Variants in TOR1AIP1 observed in about 807,000 individuals in gnomAD.
TOR1AIP1 encodes the protein torsin 1A interacting protein 1.
TOR1AIP1 carries 54 observed loss-of-function variants against 63.3 expected under a neutral mutation model. The observed-to-expected ratio is 0.85, with a 90% CI of 0.69 to 1.07. The LOEUF is 1.07. Ranked by LOEUF, TOR1AIP1 falls within the 50% of genes least tolerant of loss-of-function variation. The probability of loss-of-function intolerance (pLI) is 0.00; values close to 1 mark genes in which losing one functional copy is unlikely to be tolerated. For missense variants in TOR1AIP1, 736 were observed against 715.0 expected, an observed-to-expected ratio of 1.03 and a Z score of -0.33; for synonymous variants, 294 against 273.5, an observed-to-expected ratio of 1.07 and a Z score of -0.74.
intron 8 of TOR1AIP1, among the ~76,000 whole-genome samples, chr1:179,910,832 GAA>G (rs1648810548): frequency 1.3e-5 from 2 of 152,272 alleles, no homozygotes; most frequent in African/African-American, 4.8e-5. Context: ...CCAGATAAGT[GAA>G]GTTAGTACAT....
chr1:179,883,465 T>G (rs1347690835), intron 1 of TOR1AIP1: 1 of 373,434 alleles, frequency 2.7e-6, no homozygotes, highest in Non-Finnish European at 5.4e-6. Flanking sequence ...GAAGGAGAAA[T>G]TTTGTGAGTG....
chr1:179,893,106 G>T (rs902364499), intron 3 of TOR1AIP1, among the ~76,000 whole-genome samples: 1 of 151,988 alleles, frequency 6.6e-6, no homozygotes, highest in Non-Finnish European at 1.5e-5. Context: ...GTCGGGCATG[G>T]TGGTGGGCAC....
In TOR1AIP1 at chr1:179,900,134, A is replaced by G. The variant is rs759786680; in HGVS notation, c.619A>G (p.Ser207Gly). The G allele has an allele frequency of 2.2e-5, 35 of 1,605,600 alleles. No homozygotes were observed. In the South Asian group the frequency reaches 3.6e-4, roughly 17 times the overall value. ...PLRYPRYEAT[S>G]VQQKVNFSEE... is the part of the protein sequence containing the mutation. Reference sequence around the variant, plus strand: ...ATGCTTTTTTCTTCTAGAAGCCACCAGTGTCCAACAGAAGGTCAATTTCTC... The same window carrying G: ...ATGCTTTTTTCTTCTAGAAGCCACCGGTGTCCAACAGAAGGTCAATTTCTC... Residue 207 changes from serine (S) to glycine (G), a missense_variant, in exon 4 of 10, where the codon AGT (serine) becomes GGT (glycine). By Grantham distance (56) the Ser-to-Gly change is moderately conservative (BLOSUM62 0). Around this residue, in one of 2 missense-constraint regions of TOR1AIP1, gnomAD observed 464 missense variants for 371.0 expected, o/e 1.25. Coordinates refer to ENST00000606911, the MANE Select transcript of TOR1AIP1 (RefSeq NM_015602.4).
intron 6 of TOR1AIP1, among the ~76,000 whole-genome samples, chr1:179,904,302 T>G (rs1181327786): frequency 6.6e-6 from 1 of 152,216 alleles, no homozygotes. Flanking sequence ...GGTTGATTGC[T>G]TTTATTTTAA....
At chr1:179,883,568 A>G (rs768387274) in intron 1 of TOR1AIP1, 45 of 454,876 alleles carry the variant, frequency 9.9e-5, no homozygotes, top group Admixed American at 6.4e-4. Context: ...TCCTGAACTG[A>G]TGTTCCCCAG....
chr1:179,905,039 A>T (rs77515679), intron 6 of TOR1AIP1, among the ~76,000 whole-genome samples: 160 of 152,316 alleles, frequency 1.1e-3, no homozygotes, highest in Admixed American at 2.7e-3. Flanking sequence ...AAAAATCTTC[A>T]AGAACTTTTT....
chr1:179,900,549 G>C (rs1648423999), intron 4 of TOR1AIP1: 1 of 143,194 alleles, frequency 7.0e-6, no homozygotes, highest in South Asian at 2.4e-4. Context: ...GGGCAACCTA[G>C]TGAGAGCCCA....
intron 3 of TOR1AIP1, among the ~76,000 whole-genome samples, chr1:179,899,561 T>C (rs916361718): frequency 6.6e-6 from 1 of 152,184 alleles, no homozygotes; most frequent in Non-Finnish European, 1.5e-5. Context: ...TATTTGTCAA[T>C]GTAGAATTTA....
chr1:179,889,506 C>CT lies in TOR1AIP1; in HGVS notation c.610+138dup. ...ACATTAAAAAATCTCCCTGTCCCCT[C>CT]TGTCATTCAGCCAGCCAGTCTCTCT... On this transcript the variant is annotated intron_variant, in intron 3 of 9. Coordinates refer to ENST00000606911, the MANE Select transcript of TOR1AIP1 (RefSeq NM_015602.4). 3 of 579,844 alleles carry CT rather than the reference C, an allele frequency of 5.2e-6. No homozygotes were observed. In the South Asian group the frequency reaches 1.4e-4, roughly 28 times the overall value. 35.9% of individuals were successfully genotyped at this position (579,844 alleles called of 1,614,324 possible).
chr1:179,915,753 A>G (rs1438439915), intron 9 of TOR1AIP1, among the ~76,000 whole-genome samples: 10 of 152,084 alleles, frequency 6.6e-5, no homozygotes, highest in Non-Finnish European at 1.3e-4. Context: ...GCGAGACTCC[A>G]TCTCAGAAAA....
At chr1:179,896,491 T>C (rs1443340599) in intron 3 of TOR1AIP1, among the ~76,000 whole-genome samples, 2 of 144,628 alleles carry the variant, frequency 1.4e-5, no homozygotes, top group East Asian at 2.0e-4. Flanking sequence ...TTTTTTTTTT[T>C]CCTACCTCTT....
At chr1:179,896,260 T>C (rs1648261798) in intron 3 of TOR1AIP1, among the ~76,000 whole-genome samples, 1 of 152,174 alleles carries the variant, frequency 6.6e-6, no homozygotes, top group South Asian at 2.1e-4. Context: ...ATCTATTTTA[T>C]TCATGGAACA....
chr1:179,893,264 AC>A lies in TOR1AIP1; in HGVS notation c.610+3896del, dbSNP rs1309724277. ...TCTCCAAAAACAAACAAACAAACAA[AC>A]AAAAAAAAAAAAGTGACATTTTTCA... On this transcript the variant is annotated intron_variant, in intron 3 of 9. Coordinates refer to ENST00000606911, the MANE Select transcript of TOR1AIP1 (RefSeq NM_015602.4). Among the ~76,000 whole-genome samples the A allele has an allele frequency of 4.9e-3, 732 of 147,880 alleles. 7 individuals carry two copies. Among genetic ancestry groups the A allele is most frequent in the South Asian group, 0.018 (85 of 4,732 alleles).
rs1005495816 is a variant in TOR1AIP1, at chr1:179,896,288, T to A, written c.611-3838T>A. Among the ~76,000 whole-genome samples the A allele has an allele frequency of 3.3e-5, 5 of 151,494 alleles. 1 individual carries two copies. Among genetic ancestry groups the A allele is most frequent in the Admixed American group, 3.3e-4 (5 of 15,236 alleles). On this transcript the variant is annotated intron_variant, in intron 3 of 9. Coordinates refer to ENST00000606911, the MANE Select transcript of TOR1AIP1 (RefSeq NM_015602.4). ...ATGGAACAAACTTTTTTTATTTTTA[T>A]TTTTTTTGAGACAGGGTCTCACTCT...
chr1:179,911,361 C>T (rs1198103701), intron 8 of TOR1AIP1, among the ~76,000 whole-genome samples: 3 of 152,182 alleles, frequency 2.0e-5, no homozygotes, highest in Non-Finnish European at 4.4e-5. Context: ...AAAAAAAAGT[C>T]ATTTTTAGAG....
chr1:179,907,868 A>G lies in TOR1AIP1; in HGVS notation c.838+4A>G. On this transcript the variant is annotated splice_donor_region_variant and intron_variant, in intron 7 of 9. Coordinates refer to ENST00000606911, the MANE Select transcript of TOR1AIP1 (RefSeq NM_015602.4). ...GATAAGCAACCTTCAGTGCTAAGTAAGTAGTTGGTTGTCTGCTCTTTTTTC... is the reference window on the plus strand; with the variant it reads ...GATAAGCAACCTTCAGTGCTAAGTAGGTAGTTGGTTGTCTGCTCTTTTTTC... 1 of 1,550,512 alleles carries G rather than the reference A, an allele frequency of 6.4e-7. No homozygotes were observed. Among genetic ancestry groups the G allele is most frequent in the Non-Finnish European group, 8.8e-7 (1 of 1,142,820 alleles).
At chr1:179,895,428 G>A (rs1034024128) in intron 3 of TOR1AIP1, among the ~76,000 whole-genome samples, 8 of 152,114 alleles carry the variant, frequency 5.3e-5, no homozygotes, top group South Asian at 2.1e-4. Flanking sequence ...GCAATGTGGC[G>A]AAACCTCGTC....
chr1:179,914,566 C>CA (rs1400493251), intron 9 of TOR1AIP1, among the ~76,000 whole-genome samples: 1 of 152,182 alleles, frequency 6.6e-6, no homozygotes, highest in African/African-American at 2.4e-5. Context: ...GAGGCCAAGG[C>CA]AGGCGGATCA....
At chr1:179,904,658 A>G (rs1295631662) in intron 6 of TOR1AIP1, 2 of 152,038 alleles carry the variant, frequency 1.3e-5, no homozygotes, top group Non-Finnish European at 2.9e-5. Flanking sequence ...ACAGGTTTTC[A>G]CTCTGTTACC....
Sources: allele counts gnomAD v4.1 joint callset (sites outside exome capture counted in the v4.1 genomes callset), GRCh38; gene constraint gnomAD v4.1.1; regional missense constraint gnomAD v4.1.1; transcripts MANE v1.5; gene names NCBI Gene and HGNC (gene_info 2026-07-23, HGNC 2026-07-21).